Variants in CSNK2A1 observed in about 807,000 individuals in gnomAD.
The protein encoded by CSNK2A1 is casein kinase II subunit alpha.
A neutral mutation model predicts 62.9 loss-of-function variants in CSNK2A1; 10 were observed. The observed-to-expected ratio is 0.16, with a 90% CI of 0.10 to 0.27. CSNK2A1 has a LOEUF of 0.27. Among genes scored for constraint, CSNK2A1 ranks in the 10% least tolerant of loss-of-function variants. The pLI is 1.00. For synonymous variants in CSNK2A1, 124 were observed against 167.8 expected (o/e 0.74, Z 2.02); for missense variants, 160 against 492.0 (o/e 0.33, Z 6.38).
At position 480,064 on chromosome 20, in the gene CSNK2A1, CCAGGAT is replaced by C. The variant is rs1370192877; in HGVS notation, c.*3891_*3896del. On this transcript the variant is annotated 3_prime_UTR_variant, in exon 14 of 14. Transcript: ENST00000217244. ...GCAGCATCTAAGTCTACTAAATTGG[CCAGGAT>C]CATTCCTTAGTCTTCAGATACCTAT... 1 of 152,158 alleles carries C rather than the reference CCAGGAT, an allele frequency of 6.6e-6. No homozygotes were observed. Among genetic ancestry groups the C allele is most frequent in the Non-Finnish European group, 1.5e-5 (1 of 68,038 alleles). The allele number at this position is 152,158 out of a possible 1,614,324, so 9.4% of individuals were successfully genotyped here.
At chr20:486,693 G>A (rs2122504114) in intron 12 of CSNK2A1, 1 of 491,582 alleles carries the variant, frequency 2.0e-6, no homozygotes, top group East Asian at 3.4e-5. Flanking sequence ...TCAAATGGTA[G>A]AAAGATGAGG....
At chr20:508,375 C>T in intron 3 of CSNK2A1, 76 bp downstream of exon 3, 1 of 1,519,942 alleles carries the variant, frequency 6.6e-7, no homozygotes, top group East Asian at 2.3e-5. Flanking sequence ...CGGAGGTTTT[C>T]TGACAAAAAC....
At chr20:497,576 C>T (rs1380555843) in intron 7 of CSNK2A1, 145 bp downstream of exon 7, 3 of 617,658 alleles carry the variant, frequency 4.9e-6, no homozygotes, top group African/African-American at 1.9e-5. Flanking sequence ...AGGTATGATA[C>T]TATTAACTTA....
intron 2 of CSNK2A1, among the ~76,000 whole-genome samples, chr20:515,659 CT>C (rs1369053792): frequency 1.3e-5 from 2 of 152,162 alleles, no homozygotes; most frequent in African/African-American, 4.8e-5. Context: ...ATCTTAATTT[CT>C]CAATTGGACC....
Position 487,703 on chromosome 20 carries a change from T to C in CSNK2A1, c.825-128A>G, listed in dbSNP as rs2018129513. 2.3e-6 allele frequency: 3 copies of C among 1,295,426 alleles called. No homozygotes were observed. The Admixed American group carries it at 6.1e-5, about 26-fold the overall frequency. The allele number at this position is 1,295,426 out of a possible 1,614,324, so 80.2% of individuals were successfully genotyped here. A position where few individuals can be genotyped will look rare whatever the true frequency, so the allele number is the denominator to read the frequency against. On this transcript the variant is annotated intron_variant, in intron 11 of 13. Coordinates refer to ENST00000217244, the MANE Select transcript of CSNK2A1 (RefSeq NM_177559.3). ...AAAGAGGGATCCAAACTCAAGAGGG[T>C]AGTCTTGCACCGCTCTGCCACTGAG...
At chr20:535,878 G>A (rs1277304779) in intron 1 of CSNK2A1, among the ~76,000 whole-genome samples, 1 of 152,110 alleles carries the variant, frequency 6.6e-6, no homozygotes, top group Non-Finnish European at 1.5e-5. Flanking sequence ...TAGAGAAGAT[G>A]TTAATGCAGG....
At position 505,364 on chromosome 20, in the gene CSNK2A1, T is replaced by G. The variant is rs1034277247; in HGVS notation, c.102-135A>C. On this transcript the variant is annotated intron_variant, in intron 3 of 13. Coordinates refer to ENST00000217244, the MANE Select transcript of CSNK2A1 (RefSeq NM_177559.3). ...ATTCCCAAATAGGTTTTTTTTTTTT[T>G]TTTTTTTTTTTTGGAGATGGAGTCT... The G allele has an allele frequency of 1.1e-5, 8 of 713,748 alleles. No homozygotes were observed. In the South Asian group the frequency reaches 1.4e-4, roughly 13 times the overall value. 44.2% of individuals were successfully genotyped at this position (713,748 alleles called of 1,614,324 possible).
chr20:543,770 C>CGCAGGGACCAGAGCGAGGCT lies in CSNK2A1; in HGVS notation c.-345_-326dup, dbSNP rs1173272030. The stretch of plus-strand genomic sequence containing the variant: ...GGAGACACACGGCTCGGCCGCCAGC[C>CGCAGGGACCAGAGCGAGGCT]GCAGGGACCAGAGCGAGGCTGCAGC... On this transcript the variant is annotated 5_prime_UTR_variant, in exon 1 of 14. Transcript: ENST00000217244. The CGCAGGGACCAGAGCGAGGCT allele has an allele frequency of 7.5e-6, 3 of 398,358 alleles. No homozygotes were observed. The highest frequency in any genetic ancestry group is 1.3e-5 in the Non-Finnish European group (3 of 226,010). 24.7% of individuals were successfully genotyped at this position (398,358 alleles called of 1,614,324 possible).
Position 508,495 on chromosome 20 carries a change from T to C in CSNK2A1, c.57A>G (p.Arg19=). ...ACTCGTAATCCCAGTATTCTCGAGGTCTGTGTGTATTAACATCTGTGTAAA... is the reference window on the plus strand; with the variant it reads ...ACTCGTAATCCCAGTATTCTCGAGGCCTGTGTGTATTAACATCTGTGTAAA... ...ARVYTDVNTH[R]PREYWDYESH... is the part of the protein sequence containing the mutation. Residue 19 remains arginine, a synonymous_variant, in exon 3 of 14, where the codon AGA becomes AGG. Coordinates refer to ENST00000217244, the MANE Select transcript of CSNK2A1 (RefSeq NM_177559.3). 1.9e-6 allele frequency: 3 copies of C among 1,614,084 alleles called. No individual in the cohort carries two copies. Among genetic ancestry groups the C allele is most frequent in the Non-Finnish European group, 2.5e-6 (3 of 1,180,012 alleles).
At position 479,573 on chromosome 20, in the gene CSNK2A1, C is replaced by A. The variant is rs1249431710; in HGVS notation, c.*4388G>T. On this transcript the variant is annotated 3_prime_UTR_variant, in exon 14 of 14. Coordinates refer to ENST00000217244, the MANE Select transcript of CSNK2A1 (RefSeq NM_177559.3). ...AAAAGATTCAGAGAGGTTAACTGAT[C>A]AAAAAAATCACACTGCCAGACAGAA... is the stretch of plus-strand genomic sequence containing the variant. 6.6e-6 allele frequency: 1 copy of A among 152,096 alleles called. No homozygotes were observed. Among genetic ancestry groups the A allele is most frequent in the Non-Finnish European group, 1.5e-5 (1 of 68,008 alleles). 9.4% of individuals were successfully genotyped at this position (152,096 alleles called of 1,614,324 possible). A position where few individuals can be genotyped will look rare whatever the true frequency, so the allele number is the denominator to read the frequency against.
chr20:518,713 A>ATT (rs10534951), intron 2 of CSNK2A1, among the ~76,000 whole-genome samples: 3 of 120,958 alleles, frequency 2.5e-5, no homozygotes, highest in African/African-American at 9.7e-5. Flanking sequence ...CGCCCGGCTA[A>ATT]TTTTTTTTTT....
At chr20:541,807 T>C (rs1356265039) in intron 1 of CSNK2A1, among the ~76,000 whole-genome samples, 1 of 152,218 alleles carries the variant, frequency 6.6e-6, no homozygotes, top group Non-Finnish European at 1.5e-5. Context: ...AGTTGATTAA[T>C]CAATCTAAGC....
chr20:475,441 CAG>C lies in CSNK2A1; in HGVS notation c.*8518_*8519del, dbSNP rs1310842191. 1 of 137,302 alleles carries C rather than the reference CAG, an allele frequency of 7.3e-6. No homozygotes were observed. The highest frequency in any genetic ancestry group is 1.5e-5 in the Non-Finnish European group (1 of 65,796). 8.5% of individuals were successfully genotyped at this position (137,302 alleles called of 1,614,324 possible). A position where few individuals can be genotyped will look rare whatever the true frequency, so the allele number is the denominator to read the frequency against. ...TGCCACCGCACTCCAGCCTGGGTGA[CAG>C]AGTTAAGACTCTGACTCAAAAAAAA... On this transcript the variant is annotated 3_prime_UTR_variant, in exon 14 of 14. Coordinates refer to ENST00000217244, the MANE Select transcript of CSNK2A1 (RefSeq NM_177559.3).
At position 499,460 on chromosome 20, in the gene CSNK2A1, C is replaced by T. The variant is rs2018413803; in HGVS notation, c.316-155G>A. On this transcript the variant is annotated intron_variant, in intron 5 of 13. Coordinates refer to ENST00000217244, the MANE Select transcript of CSNK2A1 (RefSeq NM_177559.3). The surrounding 1 kb of genome is among the most constrained non-coding windows in gnomAD (Gnocchi z 4.2). Reference sequence around the variant, plus strand: ...TGCTACAAGCCCTCCCCGCTCTGATCATCACCGCACTTAGGTCATTTTTGG... The same window carrying T: ...TGCTACAAGCCCTCCCCGCTCTGATTATCACCGCACTTAGGTCATTTTTGG... The T allele has an allele frequency of 1.7e-6, 1 of 597,172 alleles. No individual in the cohort carries two copies. Among genetic ancestry groups the T allele is most frequent in the Admixed American group, 3.4e-5 (1 of 29,744 alleles). 37.0% of individuals were successfully genotyped at this position (597,172 alleles called of 1,614,324 possible).
Position 482,652 on chromosome 20 carries a change from C to T in CSNK2A1, c.*1309G>A, listed in dbSNP as rs1268478626. 6.6e-6 allele frequency: 1 copy of T among 152,592 alleles called. No individual in the cohort carries two copies. The highest frequency in any genetic ancestry group is 2.4e-5 in the African/African-American group (1 of 41,416). 9.5% of individuals were successfully genotyped at this position (152,592 alleles called of 1,614,324 possible). On this transcript the variant is annotated 3_prime_UTR_variant, in exon 14 of 14. Transcript: ENST00000217244. The stretch of plus-strand genomic sequence containing the variant: ...GCCCCTCAGATGTGAACATGAGACA[C>T]CCACCCAGCAAGACCTTTACACAGG...
intron 2 of CSNK2A1, among the ~76,000 whole-genome samples, chr20:511,871 C>T (rs1266609849): frequency 6.6e-6 from 1 of 152,128 alleles, no homozygotes. Context: ...ATGTATATAT[C>T]CAGAAGTGGA....
intron 9 of CSNK2A1, among the ~76,000 whole-genome samples, chr20:491,696 G>A (rs1040049968): frequency 6.6e-6 from 1 of 151,674 alleles, no homozygotes; most frequent in African/African-American, 2.4e-5. Context: ...GGCCGGGCGT[G>A]GTGGCTCACG....
intron 2 of CSNK2A1, 50 bp from the exon 3 acceptor site, chr20:508,710 A>G (rs566627275): frequency 1.6e-6 from 1 of 626,220 alleles, no homozygotes; most frequent in Non-Finnish European, 2.8e-6. Context: ...CAGAAGGTAT[A>G]TGGGAAGGAA....
intron 2 of CSNK2A1, among the ~76,000 whole-genome samples, chr20:514,639 G>C (rs2018792099): frequency 6.6e-6 from 1 of 152,020 alleles, no homozygotes; most frequent in Non-Finnish European, 1.5e-5. Context: ...ACAAGGTTTT[G>C]TCATGATGCC....
Sources: allele counts gnomAD v4.1 joint callset (sites outside exome capture counted in the v4.1 genomes callset), GRCh38; gene constraint gnomAD v4.1.1; non-coding constraint Gnocchi (gnomAD v3.1); transcripts MANE v1.5; gene names NCBI Gene and HGNC (gene_info 2026-07-23, HGNC 2026-07-21).